Variants in CHSY1 observed in about 807,000 individuals in gnomAD.
The protein encoded by CHSY1 is chondroitin sulfate synthase 1.
In CHSY1, 13 loss-of-function variants were observed where a neutral mutation model predicts 59.8. That is an observed-to-expected ratio of 0.22 (90% CI 0.14 to 0.35). The LOEUF (loss-of-function observed/expected upper bound fraction) is 0.35, where lower values mean the gene tolerates loss of function less well. Ranked by LOEUF, CHSY1 falls within the 10% of genes least tolerant of loss-of-function variation. The pLI, the probability that CHSY1 is intolerant of heterozygous loss-of-function variation, is 1.00. For missense variants in CHSY1, 947 were observed against 1,030.6 expected, an observed-to-expected ratio of 0.92 and a Z score of 1.11; for synonymous variants, 459 against 401.2, an observed-to-expected ratio of 1.14 and a Z score of -1.72.
At chr15:101,241,801 A>G (rs116257907) in intron 1 of CHSY1, among the ~76,000 whole-genome samples, 1 of 152,194 alleles carries the variant, frequency 6.6e-6, no homozygotes, top group Non-Finnish European at 1.5e-5. Flanking sequence ...TGTAGAACTG[A>G]TGGATAATAG....
intron 2 of CHSY1, among the ~76,000 whole-genome samples, chr15:101,228,782 G>C (rs896372995): frequency 2.0e-5 from 3 of 152,162 alleles, no homozygotes; most frequent in Admixed American, 2.0e-4. Context: ...AAATAGGCAT[G>C]AATAAGAAGC....
intron 2 of CHSY1, among the ~76,000 whole-genome samples, chr15:101,205,279 A>G (rs2038613718): frequency 6.6e-6 from 1 of 152,012 alleles, no homozygotes; most frequent in Non-Finnish European, 1.5e-5. Flanking sequence ...ACATCAATTT[A>G]TTATAACCAA....
chr15:101,233,813 G>T (rs1420874211), intron 2 of CHSY1, among the ~76,000 whole-genome samples: 2 of 152,196 alleles, frequency 1.3e-5, no homozygotes, highest in Non-Finnish European at 2.9e-5. Context: ...AGAGTGATTA[G>T]CAGACATTTA....
intron 2 of CHSY1, among the ~76,000 whole-genome samples, chr15:101,220,247 C>G (rs2038775595): frequency 6.6e-6 from 1 of 152,084 alleles, no homozygotes; most frequent in African/African-American, 2.4e-5. Context: ...CAGCTGGTGC[C>G]CCCTCACCTC....
chr15:101,250,363 G>A (rs2141285287), intron 1 of CHSY1, among the ~76,000 whole-genome samples: 1 of 152,296 alleles, frequency 6.6e-6, no homozygotes, highest in East Asian at 1.9e-4. Context: ...AACCATGCCA[G>A]CCATTCCAAA....
At chr15:101,231,536 GCTGTCAAATCCAC>G (rs1157013366) in intron 2 of CHSY1, among the ~76,000 whole-genome samples, 3 of 152,160 alleles carry the variant, frequency 2.0e-5, no homozygotes, top group African/African-American at 7.2e-5. Flanking sequence ...ATATTTTAAA[GCTGTCAAATCCAC>G]CTTTGCCTAT....
Position 101,195,774 on chromosome 15 carries a change from G to A in CHSY1, c.817-16794C>T, listed in dbSNP as rs367671249. ...TGGGAGGCGGAGCTTGCAGTGAGCC[G>A]AGATAGTGCCACTGCACTCCAGCTT... On this transcript the variant is annotated intron_variant, in intron 2 of 2. Transcript: ENST00000254190. Among the ~76,000 whole-genome samples, 315 of 146,332 alleles carry A rather than the reference G, an allele frequency of 2.2e-3. 1 individual carries two copies. Among genetic ancestry groups the A allele is most frequent in the African/African-American group, 7.5e-3 (298 of 39,832 alleles).
chr15:101,251,602 T>G lies in CHSY1; in HGVS notation c.-146A>C, dbSNP rs2039114861. On this transcript the variant is annotated 5_prime_UTR_variant, in exon 1 of 3. An upstream start codon of the reference 5' UTR is lost. Transcript: ENST00000254190. ...CGCCGCCGCGGGCCCGCCGCGCCCA[T>G]CGCGGCCCCCGAGCCGCCCGCAGGC... The G allele has an allele frequency of 7.0e-6, 1 of 143,810 alleles. No individual in the cohort carries two copies. The highest frequency in any genetic ancestry group is 1.5e-5 in the Non-Finnish European group (1 of 65,632). 8.9% of individuals were successfully genotyped at this position (143,810 alleles called of 1,614,324 possible). A position where few individuals can be genotyped will look rare whatever the true frequency, so the allele number is the denominator to read the frequency against.
chr15:101,240,179 A>G (rs1463308536), intron 1 of CHSY1, among the ~76,000 whole-genome samples: 1 of 152,158 alleles, frequency 6.6e-6, no homozygotes, highest in African/African-American at 2.4e-5. Flanking sequence ...AAACCCTCCA[A>G]TCTTAAGAAA....
chr15:101,204,388 C>G (rs1392679534), intron 2 of CHSY1, among the ~76,000 whole-genome samples: 1 of 150,928 alleles, frequency 6.6e-6, no homozygotes, highest in Non-Finnish European at 1.5e-5. Context: ...GAGTCGAGAT[C>G]GTGCCATTGC....
intron 2 of CHSY1, among the ~76,000 whole-genome samples, chr15:101,231,673 T>G (rs1288085999): frequency 2.0e-5 from 3 of 152,210 alleles, no homozygotes; most frequent in Non-Finnish European, 4.4e-5. Context: ...GAAAATCCAC[T>G]GGGCTTGACC....
At chr15:101,228,987 C>G (rs75928043) in intron 2 of CHSY1, among the ~76,000 whole-genome samples, 13,851 of 152,244 alleles carry the variant, frequency 0.091, 785 homozygotes, top group Admixed American at 0.13. Context: ...CACAGCTACA[C>G]ATGAGCAAAT....
intron 1 of CHSY1, among the ~76,000 whole-genome samples, chr15:101,244,132 G>C (rs1317305011): frequency 6.6e-6 from 1 of 152,132 alleles, no homozygotes; most frequent in Non-Finnish European, 1.5e-5. Context: ...TGAGAAGATG[G>C]ACAGCTTTTA....
chr15:101,250,782 G>A (rs1025727616), intron 1 of CHSY1, among the ~76,000 whole-genome samples: 3 of 152,220 alleles, frequency 2.0e-5, no homozygotes, highest in Non-Finnish European at 4.4e-5. Context: ...TCCACTATCA[G>A]GTACTGTGCT....
chr15:101,197,799 T>G (rs917520335), intron 2 of CHSY1, among the ~76,000 whole-genome samples: 1 of 152,162 alleles, frequency 6.6e-6, no homozygotes, highest in Non-Finnish European at 1.5e-5. Context: ...ATTAGGAGCT[T>G]TTAAACCTAA....
chr15:101,222,411 C>T (rs540133502), intron 2 of CHSY1, among the ~76,000 whole-genome samples: 60 of 152,280 alleles, frequency 3.9e-4, no homozygotes, highest in Middle Eastern at 3.4e-3. Context: ...AGCTTCACCC[C>T]GCTTCTTCTG....
chr15:101,187,233 C>T (rs1377460736), intron 2 of CHSY1, among the ~76,000 whole-genome samples: 1 of 152,188 alleles, frequency 6.6e-6, no homozygotes, highest in Non-Finnish European at 1.5e-5. Context: ...AATCCCAGCA[C>T]TTTGGGAGGC....
intron 2 of CHSY1, among the ~76,000 whole-genome samples, chr15:101,210,291 A>G (rs1435664722): frequency 3.9e-5 from 6 of 152,210 alleles, no homozygotes; most frequent in Non-Finnish European, 8.8e-5. Context: ...TAGCAGAAAA[A>G]GAGGCTGAAG....
Position 101,235,119 on chromosome 15 carries a change from C to T in CHSY1, c.779G>A (p.Arg260Gln), listed in dbSNP as rs1280894999. Residue 260 changes from arginine to glutamine, a missense_variant, in exon 2 of 3, where the codon CGG becomes CAG. Coordinates refer to ENST00000254190, the MANE Select transcript of CHSY1 (RefSeq NM_014918.5). ...GACACACTGCACCCCTGCAAACCTC[C>T]GGACACACCTTCCCACCTCCACGTC... Reference protein sequence around the residue: ...HEDVEVGRCVRRFAGVQCVWS... With the variant: ...HEDVEVGRCVQRFAGVQCVWS... The T allele has an allele frequency of 5.0e-6, 8 of 1,613,978 alleles. No homozygotes were observed. The highest frequency in any genetic ancestry group is 1.7e-5 in the Admixed American group (1 of 60,004).
Sources: gnomAD v4.1 joint callset for allele counts (sites outside exome capture counted in the v4.1 genomes callset) on GRCh38, gnomAD v4.1.1 for gene constraint, MANE v1.5 for transcripts, NCBI Gene and HGNC (gene_info 2026-07-23, HGNC 2026-07-21) for gene names.